DPP6: variants seen among roughly 807,000 people sequenced by gnomAD.
DPP6 encodes A-type potassium channel modulatory protein DPP6.
A neutral mutation model predicts 122.6 loss-of-function variants in DPP6; 69 were observed. The ratio of observed to expected loss-of-function variants is 0.56; its 90% confidence interval spans 0.46 to 0.69. The LOEUF is 0.69. Among genes scored for constraint, DPP6 ranks in the 30% least tolerant of loss-of-function variants. DPP6 has a pLI of 0.00. For missense variants in DPP6, 928 were observed against 1,116.9 expected (o/e 0.83, Z 2.41); for synonymous variants, 418 against 433.1 (o/e 0.97, Z 0.43).
At chr7:154,051,701 G>A (rs2533732), upstream of DPP6, among the ~76,000 whole-genome samples, 652 of 149,976 alleles carry the variant, frequency 4.3e-3, 6 homozygotes, top group East Asian at 0.014. Flanking sequence ...GAATGGAGTC[G>A]CGGTCACAGC....
chr7:154,267,045 C>T (rs1005190949), intron 1 of DPP6, among the ~76,000 whole-genome samples: 1 of 151,962 alleles, frequency 6.6e-6, no homozygotes, highest in African/African-American at 2.4e-5. Flanking sequence ...ATACTTAAAC[C>T]AAGAGTAATA....
chr7:154,259,093 G>C (rs1481215110), intron 1 of DPP6, among the ~76,000 whole-genome samples: 2 of 152,184 alleles, frequency 1.3e-5, no homozygotes, highest in African/African-American at 4.8e-5. Flanking sequence ...GAGAACCCAG[G>C]CAGTGGCAGC....
At position 154,430,563 on chromosome 7, in the gene DPP6, G is replaced by C. The variant is rs143251683; in HGVS notation, c.244-15651G>C. On this transcript the variant is annotated intron_variant, in intron 1 of 25. Coordinates refer to ENST00000377770, the MANE Select transcript of DPP6 (RefSeq NM_130797.4). ...TTACCTCCTGAAGGCCCCCCTCCTA[G>C]TGCTGTCACATTGGGGAGTTAGGAT... Among the ~76,000 whole-genome samples the C allele has an allele frequency of 7.3e-4, 111 of 152,296 alleles. 1 individual carries two copies. The highest frequency in any genetic ancestry group is 2.2e-4 in the Non-Finnish European group (15 of 68,022).
chr7:154,319,564 G>A (rs904461582), intron 1 of DPP6, among the ~76,000 whole-genome samples: 17 of 152,038 alleles, frequency 1.1e-4, no homozygotes, highest in African/African-American at 3.6e-4. Context: ...GTGTGGTGGC[G>A]GGTGCCTGTA....
rs541974130 is a variant in DPP6, at chr7:154,060,433, C to T, written c.243+7370C>T. ...GAGGGGGGAGGCACCCCCCGCGAGG[C>T]GGGGACTGCGAGCCAGACCCTCTTC... On this transcript the variant is annotated intron_variant, in intron 1 of 25. Transcript: ENST00000377770. Among the ~76,000 whole-genome samples the T allele has an allele frequency of 7.5e-3, 982 of 130,350 alleles. 102 individuals are homozygous for T. The highest frequency in any genetic ancestry group is 0.029 in the African/African-American group (888 of 31,150). 85.5% of individuals were successfully genotyped at this position (130,350 alleles called of 152,430 possible). A position where few individuals can be genotyped will look rare whatever the true frequency, so the allele number is the denominator to read the frequency against.
chr7:153,960,401 A>T (rs764646367), intron 1 of DPP6, among the ~76,000 whole-genome samples: 67 of 152,286 alleles, frequency 4.4e-4, no homozygotes, highest in Non-Finnish European at 7.5e-4. Context: ...TCACATTCTT[A>T]ATAGCCGCAC....
intron 2 of DPP6, among the ~76,000 whole-genome samples, chr7:154,463,116 C>T (rs1198372621): frequency 6.6e-6 from 1 of 150,758 alleles, no homozygotes; most frequent in Non-Finnish European, 1.5e-5. Flanking sequence ...CAAGAGCCCA[C>T]TTAGTACCCT....
the DPP6 span, among the ~76,000 whole-genome samples, chr7:153,758,689 C>T: frequency 6.6e-6 from 1 of 151,948 alleles, no homozygotes; most frequent in Non-Finnish European, 1.5e-5. Flanking sequence ...ATTCATGTTG[C>T]AGCATGTATC....
At chr7:154,856,919 T>C (rs537589242) in intron 17 of DPP6, among the ~76,000 whole-genome samples, 1 of 152,342 alleles carries the variant, frequency 6.6e-6, no homozygotes, top group African/African-American at 2.4e-5. Flanking sequence ...AATTTAACAG[T>C]GAACCTGAAG....
At chr7:154,085,152 C>G (rs551121687) in intron 1 of DPP6, among the ~76,000 whole-genome samples, 2 of 152,012 alleles carry the variant, frequency 1.3e-5, no homozygotes, top group Non-Finnish European at 2.9e-5. Context: ...ACCAGCAATC[C>G]GTGGACAGGC....
At chr7:153,938,067 C>T (rs1337216871) in intron 1 of DPP6, among the ~76,000 whole-genome samples, 2 of 152,172 alleles carry the variant, frequency 1.3e-5, no homozygotes, top group Non-Finnish European at 2.9e-5. Flanking sequence ...CAGTGTATTA[C>T]ATCCTATTCA....
In DPP6 at chr7:154,387,802, G is replaced by A. The variant is rs190166694; in HGVS notation, c.244-58412G>A. On this transcript the variant is annotated intron_variant, in intron 1 of 25. Coordinates refer to ENST00000377770, the MANE Select transcript of DPP6 (RefSeq NM_130797.4). ...TTATGTCAGTCACCAGGAGAAGCTG[G>A]TGACTAACCACAGTTGGTAGCTCTT... is the stretch of plus-strand genomic sequence containing the variant. 6.1e-4 allele frequency among the ~76,000 whole-genome samples: 93 copies of A among 152,256 alleles called. 1 individual carries two copies. The highest frequency in any genetic ancestry group is 1.1e-3 in the Non-Finnish European group (78 of 68,032).
intron 1 of DPP6, among the ~76,000 whole-genome samples, chr7:154,341,467 G>A (rs1809926494): frequency 6.6e-6 from 1 of 152,050 alleles, no homozygotes; most frequent in Non-Finnish European, 1.5e-5. Flanking sequence ...GATCTGATGA[G>A]AAAAGTGAGA....
rs1412166289 is a variant in DPP6 at position 154,091,483 on chromosome 7, G to A, written c.243+38420G>A. Among the ~76,000 whole-genome samples the A allele has an allele frequency of 3.9e-5, 6 of 152,158 alleles. No homozygotes were observed. In the East Asian group the frequency reaches 1.2e-3, roughly 29 times the overall value. ...AAAGTTTCTATCAGCCCTCCTTGTA[G>A]GAAGAAAATGTGTTCCCTAGTTTGT... is the stretch of plus-strand genomic sequence containing the variant. On this transcript the variant is annotated intron_variant, in intron 1 of 25. Transcript: ENST00000377770.
At chr7:154,398,602 A>G (rs61391612) in intron 1 of DPP6, among the ~76,000 whole-genome samples, 47,056 of 150,294 alleles carry the variant, frequency 0.31, 9,086 homozygotes, top group East Asian at 0.57. Flanking sequence ...GTAGAGGGAC[A>G]TCCTTCATAT....
chr7:153,814,504 T>A, the DPP6 span, among the ~76,000 whole-genome samples: 1 of 152,016 alleles, frequency 6.6e-6, no homozygotes, highest in Non-Finnish European at 1.5e-5. Flanking sequence ...ACCAGATGGA[T>A]TCACAGCTGA....
intron 1 of DPP6, among the ~76,000 whole-genome samples, chr7:154,238,325 G>T (rs75498794): frequency 0.012 from 1,871 of 152,266 alleles, 38 homozygotes; most frequent in African/African-American, 0.042. Context: ...ACTCTGGGTT[G>T]TGAAATAATA....
At chr7:154,339,369 G>C (rs1236608446) in intron 1 of DPP6, among the ~76,000 whole-genome samples, 1 of 152,224 alleles carries the variant, frequency 6.6e-6, no homozygotes, top group African/African-American at 2.4e-5. Context: ...CGCGGAGTGG[G>C]AGGAGGCTGT....
At chr7:154,805,661 C>T (rs1336335411) in intron 15 of DPP6, among the ~76,000 whole-genome samples, 1 of 152,196 alleles carries the variant, frequency 6.6e-6, no homozygotes, top group Non-Finnish European at 1.5e-5. Context: ...ACCCTGTGTT[C>T]TGAACCCTGG....
Sources: allele counts gnomAD v4.1 joint callset (sites outside exome capture counted in the v4.1 genomes callset), GRCh38; gene constraint gnomAD v4.1.1; transcripts MANE v1.5; gene names NCBI Gene and HGNC (gene_info 2026-07-23, HGNC 2026-07-21).